VTI1A: variants seen among roughly 807,000 people sequenced by gnomAD.
VTI1A encodes the protein vesicle transport through interaction with t-SNAREs 1A.
VTI1A carries 22 observed loss-of-function variants against 34.9 expected under a neutral mutation model. That is an observed-to-expected ratio of 0.63 (90% CI 0.45 to 0.90). The LOEUF (loss-of-function observed/expected upper bound fraction) is 0.90, where lower values mean the gene tolerates loss of function less well. Ranked by LOEUF, VTI1A falls within the 40% of genes least tolerant of loss-of-function variation. The probability of loss-of-function intolerance (pLI) is 0.00; values close to 1 mark genes in which losing one functional copy is unlikely to be tolerated. For synonymous variants in VTI1A, 87 were observed against 97.3 expected (o/e 0.89, Z 0.62); for missense variants, 268 against 275.6 (o/e 0.97, Z 0.20).
chr10:112,678,248 A>G (rs1179463572), intron 7 of VTI1A, among the ~76,000 whole-genome samples: 1 of 152,104 alleles, frequency 6.6e-6, no homozygotes, highest in Non-Finnish European at 1.5e-5. Flanking sequence ...GATGCATGCC[A>G]TTCTTGAATG....
At chr10:112,557,810 C>T (rs946286120) in intron 5 of VTI1A, among the ~76,000 whole-genome samples, 1 of 152,130 alleles carries the variant, frequency 6.6e-6, no homozygotes, top group Non-Finnish European at 1.5e-5. Context: ...GTATTTTACT[C>T]TCACCCTGGC....
chr10:112,610,596 C>G (rs933646471), intron 5 of VTI1A, among the ~76,000 whole-genome samples: 1 of 152,138 alleles, frequency 6.6e-6, no homozygotes, highest in African/African-American at 2.4e-5. Flanking sequence ...GCTTATTACT[C>G]AGAACTTAGG....
At chr10:112,581,181 C>G (rs189664576) in intron 5 of VTI1A, among the ~76,000 whole-genome samples, 68 of 152,302 alleles carry the variant, frequency 4.5e-4, no homozygotes, top group African/African-American at 1.5e-3. Flanking sequence ...GGTATGAATT[C>G]ACTTGGTTCT....
At chr10:112,777,895 G>C (rs1347588249) in intron 7 of VTI1A, among the ~76,000 whole-genome samples, 1 of 152,204 alleles carries the variant, frequency 6.6e-6, no homozygotes, top group Non-Finnish European at 1.5e-5. Flanking sequence ...CTGAGGTAGG[G>C]AGTTCCAGAC....
In VTI1A at chr10:112,732,962, C is replaced by G. The variant is rs568390779; in HGVS notation, c.560+63964C>G. Among the ~76,000 whole-genome samples, 24 of 152,288 alleles carry G rather than the reference C, an allele frequency of 1.6e-4. 1 individual carries two copies. In the South Asian group the frequency reaches 4.8e-3, roughly 30 times the overall value. On this transcript the variant is annotated intron_variant, in intron 7 of 7. Coordinates refer to ENST00000393077, the MANE Select transcript of VTI1A (RefSeq NM_145206.4). ...CAAGAAGAGAACATACCTCCAATTC[C>G]AAGGCTATCAGCCTTCCCAGCAAAA... is the stretch of plus-strand genomic sequence containing the variant.
At chr10:112,806,949 C>A (rs950965659) in intron 7 of VTI1A, among the ~76,000 whole-genome samples, 11 of 152,322 alleles carry the variant, frequency 7.2e-5, no homozygotes, top group African/African-American at 2.4e-4. Context: ...TGTTGTGGCA[C>A]ATGCCCCCTC....
intron 5 of VTI1A, among the ~76,000 whole-genome samples, chr10:112,583,602 G>A (rs1844035789): frequency 6.6e-6 from 1 of 152,202 alleles, no homozygotes; most frequent in Non-Finnish European, 1.5e-5. Context: ...TCATGGTAAT[G>A]GCACCTGTTA....
At chr10:112,679,046 G>T (rs577704302) in intron 7 of VTI1A, among the ~76,000 whole-genome samples, 3 of 152,036 alleles carry the variant, frequency 2.0e-5, no homozygotes, top group African/African-American at 7.2e-5. Context: ...TTACACTTTG[G>T]TGCTGTTCCT....
At chr10:112,479,466 A>G (rs144888291) in intron 3 of VTI1A, among the ~76,000 whole-genome samples, 1 of 152,276 alleles carries the variant, frequency 6.6e-6, no homozygotes, top group Non-Finnish European at 1.5e-5. Context: ...AAGGAAATGC[A>G]CTTGTCTTAA....
intron 7 of VTI1A, among the ~76,000 whole-genome samples, chr10:112,685,179 A>C (rs998454077): frequency 1.3e-5 from 2 of 152,178 alleles, no homozygotes; most frequent in African/African-American, 4.8e-5. Flanking sequence ...CTGCAAATTC[A>C]AGTCTTCCCT....
intron 7 of VTI1A, among the ~76,000 whole-genome samples, chr10:112,798,021 C>T (rs919857717): frequency 2.0e-5 from 3 of 147,446 alleles, no homozygotes; most frequent in African/African-American, 2.5e-5. Flanking sequence ...GGGACCTCTT[C>T]GCAGGGACAC....
At chr10:112,815,021 C>T (rs1282269556) in intron 7 of VTI1A, among the ~76,000 whole-genome samples, 2 of 151,874 alleles carry the variant, frequency 1.3e-5, no homozygotes, top group African/African-American at 4.8e-5. Flanking sequence ...CCATTTGATT[C>T]GCCTTAGCTT....
At chr10:112,661,478 G>A (rs755197549) in intron 5 of VTI1A, among the ~76,000 whole-genome samples, 1 of 152,062 alleles carries the variant, frequency 6.6e-6, no homozygotes, top group Non-Finnish European at 1.5e-5. Flanking sequence ...TGTACATTCA[G>A]GTTTCCATCT....
At chr10:112,691,896 A>G (rs1294361865) in intron 7 of VTI1A, among the ~76,000 whole-genome samples, 2 of 152,234 alleles carry the variant, frequency 1.3e-5, no homozygotes, top group African/African-American at 4.8e-5. Context: ...AATTGGGATC[A>G]CTGCATTCTG....
chr10:112,525,350 G>A (rs113561804), intron 3 of VTI1A, among the ~76,000 whole-genome samples: 230 of 152,282 alleles, frequency 1.5e-3, no homozygotes, highest in Non-Finnish European at 2.9e-3. Context: ...TCAGGGCGGG[G>A]AGTGGATGCC....
chr10:112,678,486 A>G (rs1419068406), intron 7 of VTI1A, among the ~76,000 whole-genome samples: 1 of 152,208 alleles, frequency 6.6e-6, no homozygotes, highest in Non-Finnish European at 1.5e-5. Context: ...TCCATTGTAA[A>G]TTAAGGGAGG....
intron 7 of VTI1A, among the ~76,000 whole-genome samples, chr10:112,776,077 A>G (rs1851947804): frequency 6.6e-6 from 1 of 152,198 alleles, no homozygotes; most frequent in African/African-American, 2.4e-5. Context: ...TGCAGAGTCT[A>G]TTGATTGTGG....
chr10:112,620,921 C>G (rs1447054178), intron 5 of VTI1A, among the ~76,000 whole-genome samples: 1 of 152,108 alleles, frequency 6.6e-6, no homozygotes, highest in Non-Finnish European at 1.5e-5. Context: ...GTTAGGTGAG[C>G]AATGCGGCAT....
chr10:112,572,056 A>G (rs1852144952), intron 5 of VTI1A, among the ~76,000 whole-genome samples: 1 of 79,080 alleles, frequency 1.3e-5, no homozygotes, highest in African/African-American at 6.1e-5. Flanking sequence ...GAATGACAGG[A>G]TCATTGCACC....
Sources: allele counts gnomAD v4.1 joint callset (sites outside exome capture counted in the v4.1 genomes callset), GRCh38; gene constraint gnomAD v4.1.1; transcripts MANE v1.5; gene names NCBI Gene and HGNC (gene_info 2026-07-23, HGNC 2026-07-21).